IGLL5: variants seen among roughly 807,000 people sequenced by gnomAD.
The protein encoded by IGLL5 is immunoglobulin lambda-like polypeptide 5.
IGLL5 carries 30 observed loss-of-function variants against 20.9 expected under a neutral mutation model. The ratio of observed to expected loss-of-function variants is 1.44; its 90% CI spans 1.07 to 1.95. The LOEUF is 1.95. IGLL5 is among the 30% of genes most tolerant of loss of function. The pLI is 0.00. For synonymous variants in IGLL5, 203 were observed against 117.3 expected, an observed-to-expected ratio of 1.73 and a Z score of -4.72; for missense variants, 475 against 270.7, an observed-to-expected ratio of 1.75 and a Z score of -5.30.
chr22:22,895,078 A>G (rs575633578), intron 2 of IGLL5, among the ~76,000 whole-genome samples: 5 of 151,444 alleles, frequency 3.3e-5, no homozygotes, highest in Non-Finnish European at 5.9e-5. Flanking sequence ...GACTCCAGAG[A>G]TCAGAGAAGA....
intron 2 of IGLL5, among the ~76,000 whole-genome samples, chr22:22,894,451 C>T (rs1332519053): frequency 6.6e-6 from 1 of 151,504 alleles, no homozygotes; most frequent in African/African-American, 2.4e-5. Context: ...TCCAACCCTC[C>T]CAGGACAGTC....
At chr22:22,893,583 A>G (rs1411682601) in intron 1 of IGLL5, 117 bp from the exon 2 acceptor site, 2 of 631,316 alleles carry the variant, frequency 3.2e-6, no homozygotes, top group African/African-American at 3.7e-5. Context: ...TGTGTGTGGC[A>G]CTTGCCTTGG....
rs531175408 is a variant in IGLL5, at chr22:22,888,176, A to T, written c.123A>T (p.Pro41=). 2.6e-6 allele frequency: 4 copies of T among 1,548,976 alleles called. No individual in the cohort carries two copies. Among genetic ancestry groups the T allele is most frequent in the Middle Eastern group, 1.7e-4 (1 of 5,790 alleles). ...TGGTCGCCCATGGCCTGCTGCGCCC[A>T]ATGGTTGCACCGCAAAGCGGGGACC... ...LAMVAHGLLR[P]MVAPQSGDPD... The change falls in exon 1 of 3, where the codon CCA becomes CCT. Residue 41 remains proline (P), a synonymous_variant. Transcript: ENST00000526893.
At chr22:22,888,363 C>G (rs2067587105) in intron 1 of IGLL5, 104 bp downstream of exon 1, 7 of 1,033,878 alleles carry the variant, frequency 6.8e-6, no homozygotes, top group East Asian at 5.3e-5. Context: ...AGGTTAACCC[C>G]TAAGAGGGGC....
chr22:22,888,168 C>A lies in IGLL5; in HGVS notation c.115C>A (p.Leu39Met), dbSNP rs763474712. 7.1e-6 allele frequency: 11 copies of A among 1,549,034 alleles called. No homozygotes were observed. Among genetic ancestry groups the A allele is most frequent in the Admixed American group, 5.9e-5 (3 of 50,786 alleles). The change falls in exon 1 of 3, where the codon CTG (leucine) becomes ATG (methionine). Residue 39 changes from leucine (L) to methionine (M), a missense_variant. Coordinates refer to ENST00000526893, the MANE Select transcript of IGLL5 (RefSeq NM_001178126.2). The part of the protein sequence containing the change: ...LGLAMVAHGL[L>M]RPMVAPQSGD... ...TCTGGCCATGGTCGCCCATGGCCTG[C>A]TGCGCCCAATGGTTGCACCGCAAAG...
intron 1 of IGLL5, 25 bp downstream of exon 1, chr22:22,888,284 A>C (rs1356232920): frequency 3.2e-6 from 5 of 1,542,284 alleles, no homozygotes; most frequent in African/African-American, 2.8e-5. Flanking sequence ...ATTCCAGGGG[A>C]TGTGGGGGTC....
intron 1 of IGLL5, 69 bp downstream of exon 1, chr22:22,888,328 A>G (rs2067582570): frequency 4.8e-6 from 7 of 1,445,820 alleles, no homozygotes; most frequent in Admixed American, 2.0e-5. Flanking sequence ...GACCAAGGGG[A>G]GACAAGCCAG....
In IGLL5 at chr22:22,894,389, A is replaced by T. The variant is rs143384356; in HGVS notation, c.325+571A>T. 4.6e-5 allele frequency among the ~76,000 whole-genome samples: 7 copies of T among 151,436 alleles called. 1 individual carries two copies. Among genetic ancestry groups the T allele is most frequent in the African/African-American group, 9.7e-5 (4 of 41,350 alleles). ...GCAGCTCTGTGGCCTGTGCTGGGTC[A>T]TGAGGACATGGGGACACAGAGGGAC... On this transcript the variant is annotated intron_variant, in intron 2 of 2. Transcript: ENST00000526893.
At chr22:22,888,423 A>G (rs2067594974) in intron 1 of IGLL5, among the ~76,000 whole-genome samples, 164 bp downstream of exon 1, 1 of 151,400 alleles carries the variant, frequency 6.6e-6, no homozygotes, top group Non-Finnish European at 1.5e-5. Flanking sequence ...TCCATCACAG[A>G]TTTGTTTGAA....
chr22:22,889,264 G>C (rs1601607175), intron 1 of IGLL5, among the ~76,000 whole-genome samples: 2 of 151,166 alleles, frequency 1.3e-5, no homozygotes, highest in Admixed American at 6.6e-5. Flanking sequence ...CAGGGGCCCA[G>C]TTTCCTATGA....
At chr22:22,894,535 T>A (rs2066665060) in intron 2 of IGLL5, among the ~76,000 whole-genome samples, 1 of 151,474 alleles carries the variant, frequency 6.6e-6, no homozygotes, top group Admixed American at 6.6e-5. Flanking sequence ...GGGCCCAGTG[T>A]CTCTCTGTTC....
Position 22,895,258 on chromosome 22 carries a change from C to T in IGLL5, c.326-117C>T, listed in dbSNP as rs556060448. On this transcript the variant is annotated intron_variant, in intron 2 of 2. Transcript: ENST00000526893. ...ATGGGGAAAGAAGAGGAGAGAACCC[C>T]GGGTGGACCGGATGGCCACACTGTG... is the stretch of plus-strand genomic sequence containing the variant. 6.6e-5 allele frequency: 60 copies of T among 913,890 alleles called. 5 individuals are homozygous for T. In the South Asian group the frequency reaches 8.2e-4, roughly 12 times the overall value. 56.6% of individuals were successfully genotyped at this position (913,890 alleles called of 1,614,324 possible).
intron 2 of IGLL5, among the ~76,000 whole-genome samples, chr22:22,894,027 T>C: frequency 1.3e-5 from 2 of 149,812 alleles, no homozygotes; most frequent in South Asian, 2.2e-4. Flanking sequence ...TGCAGCCTGG[T>C]CCCGGGGCCT....
At chr22:22,894,260 A>G (rs2068007683) in intron 2 of IGLL5, among the ~76,000 whole-genome samples, 5 of 150,142 alleles carry the variant, frequency 3.3e-5, no homozygotes, top group Middle Eastern at 4.0e-3. Context: ...TAGGCTGAGG[A>G]CTGGATGCCA....
At chr22:22,894,545 C>G (rs1601627150) in intron 2 of IGLL5, among the ~76,000 whole-genome samples, 3 of 151,554 alleles carry the variant, frequency 2.0e-5, no homozygotes, top group Middle Eastern at 3.8e-3. Flanking sequence ...TCTCTCTGTT[C>G]ACGGATCGGC....
chr22:22,895,165 A>G (rs904994107), intron 2 of IGLL5, among the ~76,000 whole-genome samples: 1 of 151,306 alleles, frequency 6.6e-6, no homozygotes, highest in Admixed American at 6.6e-5. Context: ...CACCTGTGAA[A>G]GGTGACTTGG....
In IGLL5 at chr22:22,888,133, TGC is replaced by T; in HGVS notation, c.81_82del (p.Leu28AlafsTer63). 2 of 1,549,766 alleles carry T rather than the reference TGC, an allele frequency of 1.3e-6. No individual in the cohort carries two copies. The highest frequency in any genetic ancestry group is 2.5e-5 in the East Asian group (1 of 40,696). ...GGTCCCAGGCAGCGCTGGCCCCTGC[TGC>T]TGCTGGGTCTGGCCATGGTCGCCCA... On this transcript the variant is annotated frameshift_variant, in exon 1 of 3. Coordinates refer to ENST00000526893, the MANE Select transcript of IGLL5 (RefSeq NM_001178126.2). LOFTEE classifies it high-confidence loss of function.
intron 2 of IGLL5, among the ~76,000 whole-genome samples, chr22:22,894,352 T>G (rs2068020542): frequency 6.6e-6 from 1 of 151,430 alleles, no homozygotes; most frequent in Admixed American, 6.6e-5. Context: ...GAGAGGGCTC[T>G]GGGTCTAGGC....
chr22:22,892,536 C>G (rs574880645), intron 1 of IGLL5, among the ~76,000 whole-genome samples: 10 of 151,010 alleles, frequency 6.6e-5, no homozygotes, highest in African/African-American at 2.4e-4. Flanking sequence ...AGGCATTCTG[C>G]GATGTCCCCA....
Sources: allele counts gnomAD v4.1 joint callset (sites outside exome capture counted in the v4.1 genomes callset), GRCh38; gene constraint gnomAD v4.1.1; transcripts MANE v1.5; gene names NCBI Gene and HGNC (gene_info 2026-07-23, HGNC 2026-07-21).